The following ANXA10 variants were observed in gnomAD, a reference collection of about 807,000 sequenced individuals.
ANXA10 encodes the protein annexin 14.
A neutral mutation model predicts 53.5 loss-of-function variants in ANXA10; 49 were observed. The observed-to-expected ratio is 0.92, with a 90% CI of 0.73 to 1.16. ANXA10 has a LOEUF of 1.16. ANXA10 is among the 50% of genes most tolerant of loss of function. ANXA10 has a pLI of 0.00. For missense variants in ANXA10, 393 were observed against 394.4 expected (o/e 1.00, Z 0.03); for synonymous variants, 131 against 128.9 (o/e 1.02, Z -0.11).
chr4:168,098,549 A>G (rs1183094563), intron 1 of ANXA10, among the ~76,000 whole-genome samples: 1 of 152,118 alleles, frequency 6.6e-6, no homozygotes, highest in East Asian at 1.9e-4. Flanking sequence ...AGGAGATTTC[A>G]GAGTTTATGC....
chr4:168,179,129 A>C, intron 8 of ANXA10, 88 bp from the exon 9 acceptor site: 1 of 826,768 alleles, frequency 1.2e-6, no homozygotes, highest in Non-Finnish European at 1.9e-6. Flanking sequence ...ATTTTATGGA[A>C]AATATGGATT....
At chr4:168,172,956 A>G (rs1732044041) in intron 6 of ANXA10, among the ~76,000 whole-genome samples, 1 of 151,876 alleles carries the variant, frequency 6.6e-6, no homozygotes, top group African/African-American at 2.4e-5. Flanking sequence ...CGCCTGGCTA[A>G]TTTTTGTATT....
chr4:168,156,108 T>TTTATTATATCTAAA (rs1463383929), intron 3 of ANXA10, among the ~76,000 whole-genome samples: 1 of 41,372 alleles, frequency 2.4e-5, no homozygotes, highest in African/African-American at 1.1e-4. Flanking sequence ...TATATAAATA[T>TTTATTATATCTAAA]TATATTTATT....
rs181191739 is a variant in ANXA10, at chr4:168,104,313, G to A, written c.18+11595G>A. 9.4e-4 allele frequency among the ~76,000 whole-genome samples: 143 copies of A among 151,646 alleles called. 2 individuals are homozygous for A. The highest frequency in any genetic ancestry group is 3.4e-3 in the African/African-American group (139 of 41,424). Reference sequence around the variant, plus strand: ...ATTGAATTTTCTTGTATTATGTTGGGCATATTTGCATTTATGTTCATAAGG... The same window carrying A: ...ATTGAATTTTCTTGTATTATGTTGGACATATTTGCATTTATGTTCATAAGG... On this transcript the variant is annotated intron_variant, in intron 1 of 11. Transcript: ENST00000359299.
chr4:168,127,547 A>T (rs564290242), intron 1 of ANXA10, among the ~76,000 whole-genome samples: 1 of 152,250 alleles, frequency 6.6e-6, no homozygotes, highest in South Asian at 2.1e-4. Context: ...TTCCTTAAAA[A>T]AATACTTACT....
chr4:168,146,682 G>C (rs972656412), intron 3 of ANXA10, among the ~76,000 whole-genome samples: 1 of 152,188 alleles, frequency 6.6e-6, no homozygotes, highest in Non-Finnish European at 1.5e-5. Context: ...TCTCATCAGA[G>C]AATCAGCCCT....
chr4:168,123,796 T>TA lies in ANXA10; in HGVS notation c.19-4279dup, dbSNP rs201099488. Among the ~76,000 whole-genome samples, 848 of 151,264 alleles carry TA rather than the reference T, an allele frequency of 5.6e-3. 10 individuals carry two copies. The highest frequency in any genetic ancestry group is 0.019 in the African/African-American group (779 of 41,280). On this transcript the variant is annotated intron_variant, in intron 1 of 11. Coordinates refer to ENST00000359299, the MANE Select transcript of ANXA10 (RefSeq NM_007193.5). ...AACTCATTCTTTTCCCCAACTTCTA[T>TA]AAAAAAAAATCACTTATAACAACCT...
chr4:168,114,857 G>A (rs1200651434), intron 1 of ANXA10, among the ~76,000 whole-genome samples: 2 of 152,038 alleles, frequency 1.3e-5, no homozygotes, highest in Non-Finnish European at 2.9e-5. Context: ...ATTCCACGGT[G>A]TGTATGTACC....
At chr4:168,130,179 A>G (rs1731135337) in intron 2 of ANXA10, among the ~76,000 whole-genome samples, 1 of 152,106 alleles carries the variant, frequency 6.6e-6, no homozygotes, top group Non-Finnish European at 1.5e-5. Flanking sequence ...TTTAACTTGA[A>G]TAGGTATTGG....
At chr4:168,109,244 A>G (rs1730763892) in intron 1 of ANXA10, among the ~76,000 whole-genome samples, 1 of 152,198 alleles carries the variant, frequency 6.6e-6, no homozygotes, top group African/African-American at 2.4e-5. Context: ...GGTGCAGAGC[A>G]ACCCATAACT....
At chr4:168,108,326 T>A (rs1423539710) in intron 1 of ANXA10, among the ~76,000 whole-genome samples, 2 of 152,158 alleles carry the variant, frequency 1.3e-5, no homozygotes, top group African/African-American at 4.8e-5. Context: ...GGCCAGTAGG[T>A]CTCAGCCTTA....
chr4:168,143,869 G>A (rs1474089949), intron 3 of ANXA10, among the ~76,000 whole-genome samples: 4 of 152,068 alleles, frequency 2.6e-5, no homozygotes, highest in Admixed American at 6.5e-5. Flanking sequence ...CAGCTTCTCA[G>A]TAATGCCCAC....
chr4:168,094,435 G>GT (rs1307734433), intron 1 of ANXA10, among the ~76,000 whole-genome samples: 1 of 151,992 alleles, frequency 6.6e-6, no homozygotes, highest in Non-Finnish European at 1.5e-5. Flanking sequence ...CTATCTTAAG[G>GT]TATATGACCC....
intron 3 of ANXA10, among the ~76,000 whole-genome samples, chr4:168,155,967 T>A (rs1578922634): frequency 1.5e-5 from 1 of 68,064 alleles, no homozygotes; most frequent in East Asian, 4.4e-4. Flanking sequence ...TCATATATTA[T>A]ATTATATGAT....
intron 10 of ANXA10, among the ~76,000 whole-genome samples, chr4:168,183,149 T>C (rs1453853872): frequency 6.6e-6 from 1 of 152,244 alleles, no homozygotes; most frequent in African/African-American, 2.4e-5. Context: ...TCATCAGTTT[T>C]ATCCTCAAGG....
intron 1 of ANXA10, among the ~76,000 whole-genome samples, chr4:168,108,835 C>T (rs1285988843): frequency 6.6e-6 from 1 of 152,130 alleles, no homozygotes; most frequent in Non-Finnish European, 1.5e-5. Context: ...TGGGTGGTCT[C>T]CTTTATGCTG....
At chr4:168,159,348 C>T (rs1446933956) in intron 3 of ANXA10, among the ~76,000 whole-genome samples, 3 of 152,116 alleles carry the variant, frequency 2.0e-5, no homozygotes, top group Admixed American at 6.6e-5. Flanking sequence ...TATCAGTGTG[C>T]AATTTTCTTA....
chr4:168,149,198 A>G (rs1323837080), intron 3 of ANXA10, among the ~76,000 whole-genome samples: 1 of 152,198 alleles, frequency 6.6e-6, no homozygotes, highest in Non-Finnish European at 1.5e-5. Context: ...GACTGGAAAT[A>G]GTGTCTCTCC....
chr4:168,178,208 C>G (rs1732170864), intron 8 of ANXA10: 1 of 507,254 alleles, frequency 2.0e-6, no homozygotes, highest in African/African-American at 1.9e-5. Flanking sequence ...AAAAACTGAG[C>G]ATTTTAAAAA....
Sources: allele counts gnomAD v4.1 joint callset (sites outside exome capture counted in the v4.1 genomes callset), GRCh38; gene constraint gnomAD v4.1.1; transcripts MANE v1.5; gene names NCBI Gene and HGNC (gene_info 2026-07-23, HGNC 2026-07-21).